ASB3: variants seen among roughly 807,000 people sequenced by gnomAD.
ASB3 encodes ankyrin repeat and SOCS box containing 3, also known as ankyrin repeat and SOCS box protein 3.
ASB3 carries 41 observed loss-of-function variants against 54.5 expected under a neutral mutation model. The ratio of observed to expected loss-of-function variants is 0.75; its 90% CI spans 0.59 to 0.98. ASB3 has a LOEUF of 0.98. Ranked by LOEUF, ASB3 falls within the 50% of genes least tolerant of loss-of-function variation. The pLI is 0.00. For synonymous variants in ASB3, 266 were observed against 221.2 expected, an observed-to-expected ratio of 1.20 and a Z score of -1.80; for missense variants, 733 against 620.0, an observed-to-expected ratio of 1.18 and a Z score of -1.94.
Position 53,715,441 on chromosome 2 carries a change from C to A in ASB3, c.783-860G>T, listed in dbSNP as rs186359394. Among the ~76,000 whole-genome samples the A allele has an allele frequency of 2.7e-3, 418 of 152,232 alleles. 2 individuals carry two copies. The highest frequency in any genetic ancestry group is 9.7e-3 in the African/African-American group (401 of 41,548). On this transcript the variant is annotated intron_variant, in intron 6 of 9. Coordinates refer to ENST00000263634, the MANE Select transcript of ASB3 (RefSeq NM_016115.5). ...TAAGATAACATTTAAGTAGAACTTA[C>A]ACTCACAAAAGGGGTTACCTTTGAA... is the stretch of plus-strand genomic sequence containing the variant.
chr2:53,773,919 C>T (rs1674137343), intron 1 of ASB3, among the ~76,000 whole-genome samples: 1 of 151,976 alleles, frequency 6.6e-6, no homozygotes, highest in Admixed American at 6.6e-5. Flanking sequence ...CCTGTAATCC[C>T]AGTCACTTGA....
chr2:53,692,653 G>A (rs1373689568), intron 9 of ASB3, among the ~76,000 whole-genome samples: 3 of 152,118 alleles, frequency 2.0e-5, no homozygotes, highest in Non-Finnish European at 2.9e-5. Flanking sequence ...AAGGTCTTAA[G>A]GGTAAACTCT....
chr2:53,742,502 A>C (rs143076006), intron 3 of ASB3, among the ~76,000 whole-genome samples: 9 of 152,322 alleles, frequency 5.9e-5, no homozygotes, highest in African/African-American at 1.9e-4. Flanking sequence ...ATTGTAGCTA[A>C]ATCTACAACT....
chr2:53,680,840 T>A (rs966484918), intron 9 of ASB3, among the ~76,000 whole-genome samples: 9 of 152,090 alleles, frequency 5.9e-5, no homozygotes, highest in African/African-American at 2.2e-4. Flanking sequence ...TATTTTTGTA[T>A]CCATTAACCA....
chr2:53,737,442 C>G (rs1671702493), intron 3 of ASB3, among the ~76,000 whole-genome samples: 2 of 152,224 alleles, frequency 1.3e-5, no homozygotes, highest in Admixed American at 1.3e-4. Flanking sequence ...CAGGAGGCCT[C>G]TGTGTGGAAG....
intron 1 of ASB3, among the ~76,000 whole-genome samples, chr2:53,778,509 T>C (rs924179412): frequency 8.5e-5 from 13 of 152,120 alleles, no homozygotes; most frequent in African/African-American, 2.9e-4. Context: ...AGAAAAAAAT[T>C]CCTCCCCTTT....
At chr2:53,693,274 CTG>C (rs1411436000) in intron 9 of ASB3, among the ~76,000 whole-genome samples, 2 of 152,118 alleles carry the variant, frequency 1.3e-5, no homozygotes, top group African/African-American at 2.4e-5. Context: ...TCTTCCCCCA[CTG>C]TGTTTTCTTT....
chr2:53,670,767 T>TC, intron 9 of ASB3, 77 bp from the exon 10 acceptor site: 8 of 1,463,086 alleles, frequency 5.5e-6, no homozygotes, highest in Non-Finnish European at 7.3e-6. Context: ...AATTTTTTTT[T>TC]CCCCCAACTC....
chr2:53,733,827 G>A (rs1403026574), intron 3 of ASB3, among the ~76,000 whole-genome samples: 1 of 152,154 alleles, frequency 6.6e-6, no homozygotes, highest in East Asian at 1.9e-4. Flanking sequence ...CACAGCCTTT[G>A]GAGCTGAAAG....
At chr2:53,777,957 A>G (rs1471228076) in intron 1 of ASB3, among the ~76,000 whole-genome samples, 1 of 151,966 alleles carries the variant, frequency 6.6e-6, no homozygotes, top group African/African-American at 2.4e-5. Context: ...GACCTGCCTG[A>G]CCAATATGGT....
rs543576277 is a variant in ASB3, at chr2:53,738,532, A to G, written c.356-8962T>C. Reference sequence around the variant, plus strand: ...GAGCCCCATGTGGCTAGTGACCATCATAAGGGACAATGTAGATATAGGACA... The same window carrying G: ...GAGCCCCATGTGGCTAGTGACCATCGTAAGGGACAATGTAGATATAGGACA... On this transcript the variant is annotated intron_variant, in intron 3 of 9. Coordinates refer to ENST00000263634, the MANE Select transcript of ASB3 (RefSeq NM_016115.5). Among the ~76,000 whole-genome samples the G allele has an allele frequency of 2.6e-5, 4 of 152,348 alleles. No homozygotes were observed. The East Asian group carries it at 7.7e-4, about 29-fold the overall frequency.
rs761044143 is a variant in ASB3 at position 53,714,435 on chromosome 2, G to A, written c.929C>T (p.Ala310Val). Residue 310 changes from alanine to valine, a missense_variant, in exon 7 of 10, where the codon GCG becomes GTG. Coordinates refer to ENST00000263634, the MANE Select transcript of ASB3 (RefSeq NM_016115.5). ...AGAACTGAATCCAAAAACAAGGCAC[G>A]CCTGGGCGTCTGGGCTGTAGCCATT... ...LRNGYSPDAQ[A>V]CLVFGFSSPV... The A allele has an allele frequency of 3.1e-6, 5 of 1,614,058 alleles. No homozygotes were observed. Among genetic ancestry groups the A allele is most frequent in the Admixed American group, 1.7e-5 (1 of 60,010 alleles).
At chr2:53,728,982 C>G in intron 4 of ASB3, 135 bp from the exon 5 acceptor site, 1 of 978,624 alleles carries the variant, frequency 1.0e-6, no homozygotes, top group Non-Finnish European at 1.4e-6. Flanking sequence ...AAACAGTATA[C>G]TGCTGTATTA....
At chr2:53,733,632 G>C (rs1282400605) in intron 3 of ASB3, among the ~76,000 whole-genome samples, 2 of 152,136 alleles carry the variant, frequency 1.3e-5, no homozygotes, top group Non-Finnish European at 2.9e-5. Flanking sequence ...AGTAGAGACA[G>C]GGTTTCTCCA....
intron 9 of ASB3, among the ~76,000 whole-genome samples, chr2:53,672,135 G>A (rs557862074): frequency 4.7e-4 from 71 of 152,226 alleles, no homozygotes; most frequent in African/African-American, 1.6e-3. Context: ...AGTTTATTCA[G>A]AATTAAAGAA....
At chr2:53,721,476 C>G (rs1238015121) in intron 5 of ASB3, among the ~76,000 whole-genome samples, 1 of 150,590 alleles carries the variant, frequency 6.6e-6, no homozygotes, top group African/African-American at 2.4e-5. Context: ...GAGACTGAGG[C>G]AGGAGAATTG....
At chr2:53,724,888 GAACTTAAAACTAC>G (rs1400905714) in intron 5 of ASB3, among the ~76,000 whole-genome samples, 3 of 152,084 alleles carry the variant, frequency 2.0e-5, no homozygotes, top group Admixed American at 1.3e-4. Context: ...ATTTCTCAAA[GAACTTAAAACTAC>G]CATTCAACCC....
rs778438272 is a variant in ASB3, at chr2:53,700,394, C to G, written c.1115G>C (p.Gly372Ala). The change falls in exon 8 of 10, where the codon GGA becomes GCA. Residue 372 changes from glycine to alanine, a missense_variant. Coordinates refer to ENST00000263634, the MANE Select transcript of ASB3 (RefSeq NM_016115.5). ...AAATTCATATATATGGTTCCATGGT[C>G]CCAATGAGCAACCTTTCCTCAAAAA... ...RYFLRKGCSL[G>A]PWNHIYEFVN... 1.2e-6 allele frequency: 2 copies of G among 1,614,068 alleles called. No individual in the cohort carries two copies. Among genetic ancestry groups the G allele is most frequent in the Non-Finnish European group, 1.7e-6 (2 of 1,179,996 alleles).
intron 1 of ASB3, chr2:53,786,179 A>C (rs543188349): frequency 6.6e-6 from 1 of 152,256 alleles, no homozygotes; most frequent in Non-Finnish European, 1.5e-5. Context: ...AAAGAGGGGG[A>C]GGGAAAAACA....
Sources: allele counts gnomAD v4.1 joint callset (sites outside exome capture counted in the v4.1 genomes callset), GRCh38; gene constraint gnomAD v4.1.1; transcripts MANE v1.5; gene names NCBI Gene and HGNC (gene_info 2026-07-23, HGNC 2026-07-21).